The following SOS2 variants were observed in gnomAD, a reference collection of about 807,000 sequenced individuals.
SOS2 encodes the protein SOS Ras/Rho guanine nucleotide exchange factor 2, also known as son of sevenless homolog 2.
A neutral mutation model predicts 148.2 loss-of-function variants in SOS2; 65 were observed. The ratio of observed to expected loss-of-function variants is 0.44; its 90% CI spans 0.36 to 0.54. The LOEUF is 0.54. SOS2 is among the 20% of genes least tolerant of loss of function. The pLI is 0.00. For synonymous variants in SOS2, 539 were observed against 537.1 expected (o/e 1.00, Z -0.05); for missense variants, 1,341 against 1,590.2 (o/e 0.84, Z 2.67).
intron 1 of SOS2, among the ~76,000 whole-genome samples, chr14:50,228,705 C>G (rs1322955658): frequency 6.6e-6 from 1 of 152,136 alleles, no homozygotes; most frequent in Non-Finnish European, 1.5e-5. Context: ...CACAAATACC[C>G]CTTACTGAAC....
chr14:50,196,872 A>AC (rs1886327099), intron 4 of SOS2, among the ~76,000 whole-genome samples: 1 of 151,992 alleles, frequency 6.6e-6, no homozygotes, highest in African/African-American at 2.4e-5. Flanking sequence ...AACAACCGGA[A>AC]CTTTTTTTTG....
At chr14:50,122,070 C>A (rs1326851516) in intron 21 of SOS2, among the ~76,000 whole-genome samples, 1 of 152,108 alleles carries the variant, frequency 6.6e-6, no homozygotes. Flanking sequence ...AGGGATGGGG[C>A]CTAATTGGTA....
In SOS2 at chr14:50,139,971, G is replaced by A; in HGVS notation, c.2756C>T (p.Ser919Leu). 6.3e-7 allele frequency: 1 copy of A among 1,593,124 alleles called. No homozygotes were observed. Among genetic ancestry groups the A allele is most frequent in the Admixed American group, 1.7e-5 (1 of 59,698 alleles). The change falls in exon 17 of 23, where the codon TCA (serine) becomes TTA (leucine). Residue 919 changes from serine to leucine, a missense_variant. Ser to Leu is a moderately radical substitution (Grantham distance 145). This residue lies in a region of SOS2 where 408 missense variants were observed against 506.6 expected (regional missense o/e 0.81). Coordinates refer to ENST00000216373, the MANE Select transcript of SOS2 (RefSeq NM_006939.4). ...AAAAGGCACACAAGGTGGATTGATT[G>A]ACTTAAGTTTTACTAGGTATTTTTT... ...HFKKYLVKLK[S>L]INPPCVPFFG...
At chr14:50,170,457 A>T (rs1220991760) in intron 8 of SOS2, among the ~76,000 whole-genome samples, 3 of 152,040 alleles carry the variant, frequency 2.0e-5, no homozygotes, top group African/African-American at 7.2e-5. Flanking sequence ...AAACTGAGGC[A>T]GGCAGATTGC....
At chr14:50,163,193 T>A (rs1161727898) in intron 8 of SOS2, among the ~76,000 whole-genome samples, 3 of 150,646 alleles carry the variant, frequency 2.0e-5, no homozygotes, top group African/African-American at 7.3e-5. Context: ...ATATATATTA[T>A]GTATTTATAA....
At chr14:50,190,262 A>G (rs934990924) in intron 4 of SOS2, among the ~76,000 whole-genome samples, 1 of 152,190 alleles carries the variant, frequency 6.6e-6, no homozygotes, top group Non-Finnish European at 1.5e-5. Context: ...TTCAGCATAA[A>G]GGTATACCCT....
intron 8 of SOS2, among the ~76,000 whole-genome samples, chr14:50,163,744 T>C (rs1440014041): frequency 1.3e-5 from 2 of 152,232 alleles, no homozygotes; most frequent in Non-Finnish European, 1.5e-5. Context: ...ATTTCTTTAA[T>C]AAATATGAAT....
intron 12 of SOS2, among the ~76,000 whole-genome samples, chr14:50,154,621 T>C (rs1391879245): frequency 1.3e-5 from 2 of 152,202 alleles, no homozygotes; most frequent in Non-Finnish European, 2.9e-5. Context: ...TATATTCATA[T>C]AATAAAACAC....
intron 2 of SOS2, among the ~76,000 whole-genome samples, chr14:50,203,052 G>A (rs10135395): frequency 6.6e-6 from 1 of 151,804 alleles, no homozygotes; most frequent in African/African-American, 2.4e-5. Context: ...CCAGCTACTC[G>A]GGAGGCTGAG....
chr14:50,176,390 T>G (rs1885523768), intron 7 of SOS2, among the ~76,000 whole-genome samples: 1 of 152,220 alleles, frequency 6.6e-6, no homozygotes, highest in Non-Finnish European at 1.5e-5. Context: ...ATTCTGGATA[T>G]TTTATATACA....
At chr14:50,131,852 T>C (rs1464747814) in intron 19 of SOS2, among the ~76,000 whole-genome samples, 1 of 152,158 alleles carries the variant, frequency 6.6e-6, no homozygotes, top group Non-Finnish European at 1.5e-5. Flanking sequence ...TCAACATCAA[T>C]TTCTGAGGAA....
chr14:50,132,521 C>T (rs1446710167), intron 19 of SOS2, among the ~76,000 whole-genome samples: 3 of 151,768 alleles, frequency 2.0e-5, no homozygotes, highest in Non-Finnish European at 4.4e-5. Context: ...ATTAGCCGGG[C>T]GTAGTGGCAC....
chr14:50,133,237 T>C (rs1207880665), intron 19 of SOS2, among the ~76,000 whole-genome samples: 1 of 89,202 alleles, frequency 1.1e-5, no homozygotes, highest in Non-Finnish European at 2.2e-5. Flanking sequence ...CTTTTTTTCT[T>C]TTTTCTTTTT....
chr14:50,171,993 T>C (rs149236328), intron 8 of SOS2, among the ~76,000 whole-genome samples: 4 of 152,296 alleles, frequency 2.6e-5, no homozygotes, highest in African/African-American at 9.6e-5. Flanking sequence ...AAGGGTGGAA[T>C]TGCCTAGTCA....
At chr14:50,193,494 T>TGA (rs1886218298) in intron 4 of SOS2, among the ~76,000 whole-genome samples, 1 of 152,172 alleles carries the variant, frequency 6.6e-6, no homozygotes, top group Non-Finnish European at 1.5e-5. Flanking sequence ...ATCTTTGATA[T>TGA]GCTAGAATAC....
At chr14:50,167,892 G>A (rs557944749) in intron 8 of SOS2, among the ~76,000 whole-genome samples, 2 of 151,838 alleles carry the variant, frequency 1.3e-5, no homozygotes, top group African/African-American at 4.8e-5. Flanking sequence ...AAAAAAAAGT[G>A]AGTCCAGGTG....
At chr14:50,189,305 TACACAC>T (rs141100073) in intron 4 of SOS2, among the ~76,000 whole-genome samples, 1 of 68,690 alleles carries the variant, frequency 1.5e-5, no homozygotes, top group East Asian at 4.2e-4. Context: ...TATACTGTAA[TACACAC>T]ACACACACAC....
At position 50,231,333 on chromosome 14, in the gene SOS2, G is replaced by T; in HGVS notation, c.-50C>A. 1 of 1,054,520 alleles carries T rather than the reference G, an allele frequency of 9.5e-7. No homozygotes were observed. The highest frequency in any genetic ancestry group is 1.2e-6 in the Non-Finnish European group (1 of 813,354). The allele number at this position is 1,054,520 out of a possible 1,614,324, so 65.3% of individuals were successfully genotyped here. A position where few individuals can be genotyped will look rare whatever the true frequency, so the allele number is the denominator to read the frequency against. ...TCGGGGGCAGCCCGCGGGCCGGGCCGGTGGCCTGACAGGCAGGGCGCGGGC... is the reference window on the plus strand; with the variant it reads ...TCGGGGGCAGCCCGCGGGCCGGGCCTGTGGCCTGACAGGCAGGGCGCGGGC... On this transcript the variant is annotated 5_prime_UTR_variant, in exon 1 of 23. Coordinates refer to ENST00000216373, the MANE Select transcript of SOS2 (RefSeq NM_006939.4).
chr14:50,213,026 G>C (rs565026295), intron 1 of SOS2, among the ~76,000 whole-genome samples: 51 of 152,200 alleles, frequency 3.4e-4, no homozygotes, highest in Middle Eastern at 6.8e-3. Flanking sequence ...TCTGTCATTT[G>C]TACTACACTA....
Sources: allele counts gnomAD v4.1 joint callset (sites outside exome capture counted in the v4.1 genomes callset), GRCh38; gene constraint gnomAD v4.1.1; regional missense constraint gnomAD v4.1.1; transcripts MANE v1.5; gene names NCBI Gene and HGNC (gene_info 2026-07-23, HGNC 2026-07-21).